Variants in MAP4K3 observed in about 807,000 individuals in gnomAD.
MAP4K3 encodes the protein MAPK/ERK kinase kinase kinase 3.
Under a neutral mutation model 143.5 loss-of-function variants are expected in MAP4K3, and 94 were observed. The observed-to-expected ratio is 0.65, with a 90% CI of 0.55 to 0.78. The LOEUF (loss-of-function observed/expected upper bound fraction) is 0.78, where lower values mean the gene tolerates loss of function less well. MAP4K3 is among the 30% of genes least tolerant of loss of function. MAP4K3 has a pLI of 0.00. For synonymous variants in MAP4K3, 416 were observed against 347.2 expected (o/e 1.20, Z -2.20); for missense variants, 1,077 against 1,068.1 (o/e 1.01, Z -0.12).
chr2:39,252,599 T>C (rs1429766446), intron 32 of MAP4K3, among the ~76,000 whole-genome samples: 1 of 152,146 alleles, frequency 6.6e-6, no homozygotes, highest in East Asian at 1.9e-4. Flanking sequence ...AGAATAAATA[T>C]ACAAGAAAAA....
intron 2 of MAP4K3, among the ~76,000 whole-genome samples, chr2:39,361,699 C>T (rs1429312892): frequency 6.6e-6 from 1 of 150,874 alleles, no homozygotes; most frequent in African/African-American, 2.4e-5. Flanking sequence ...ATTTAAACTA[C>T]ATTTTATTTA....
At chr2:39,329,829 C>T (rs2148519587) in intron 8 of MAP4K3, among the ~76,000 whole-genome samples, 1 of 152,286 alleles carries the variant, frequency 6.6e-6, no homozygotes, top group South Asian at 2.1e-4. Flanking sequence ...ACCAGGTTTA[C>T]ACCCGACTTC....
chr2:39,301,731 T>C (rs1682517400), intron 15 of MAP4K3, among the ~76,000 whole-genome samples: 1 of 151,844 alleles, frequency 6.6e-6, no homozygotes, highest in South Asian at 2.1e-4. Context: ...TGATTAAAAA[T>C]AAAGGAAATA....
At chr2:39,415,012 C>G (rs890690750) in intron 1 of MAP4K3, among the ~76,000 whole-genome samples, 1 of 152,094 alleles carries the variant, frequency 6.6e-6, no homozygotes, top group Admixed American at 6.5e-5. Context: ...TTATCACCAA[C>G]AATTTTTTAG....
rs920161818 is a variant in MAP4K3, at chr2:39,249,478, T to C, written c.*1140A>G. 6.6e-6 allele frequency: 1 copy of C among 152,574 alleles called. No homozygotes were observed. The highest frequency in any genetic ancestry group is 1.5e-5 in the Non-Finnish European group (1 of 68,004). 9.5% of individuals were successfully genotyped at this position (152,574 alleles called of 1,614,324 possible). Reference sequence around the variant, plus strand: ...TAAAACCTGGTATATACATATTCCATTGGAAAAAAGCAATCAAAAATGACT... The same window carrying C: ...TAAAACCTGGTATATACATATTCCACTGGAAAAAAGCAATCAAAAATGACT... On this transcript the variant is annotated 3_prime_UTR_variant, in exon 34 of 34. Transcript: ENST00000263881.
At chr2:39,339,450 C>T (rs998769760) in intron 4 of MAP4K3, among the ~76,000 whole-genome samples, 12 of 152,118 alleles carry the variant, frequency 7.9e-5, no homozygotes, top group African/African-American at 2.9e-4. Context: ...AGATACTTTC[C>T]CAGGAGACAA....
chr2:39,358,312 C>G (rs918040670), intron 2 of MAP4K3, among the ~76,000 whole-genome samples: 1 of 152,178 alleles, frequency 6.6e-6, no homozygotes, highest in Non-Finnish European at 1.5e-5. Context: ...TCTTCATCAT[C>G]TTTGTACCCC....
At chr2:39,385,223 T>C (rs916705491) in intron 1 of MAP4K3, among the ~76,000 whole-genome samples, 1 of 152,130 alleles carries the variant, frequency 6.6e-6, no homozygotes, top group Admixed American at 6.5e-5. Context: ...GGTCATATCA[T>C]ATGGTAGGTA....
At chr2:39,435,211 G>C (rs1665420647) in intron 1 of MAP4K3, among the ~76,000 whole-genome samples, 1 of 59,782 alleles carries the variant, frequency 1.7e-5, no homozygotes, top group African/African-American at 2.8e-5. Flanking sequence ...TATCACAGTG[G>C]CCTCCCAACT....
chr2:39,357,932 T>A (rs1186924809), intron 2 of MAP4K3, among the ~76,000 whole-genome samples: 1 of 152,172 alleles, frequency 6.6e-6, no homozygotes, highest in Non-Finnish European at 1.5e-5. Context: ...AGTCTGATGG[T>A]TGGAAGACAA....
At chr2:39,275,463 C>G (rs2148458920) in intron 24 of MAP4K3, among the ~76,000 whole-genome samples, 1 of 152,312 alleles carries the variant, frequency 6.6e-6, no homozygotes, top group Admixed American at 6.5e-5. Flanking sequence ...GCCTGGGTGA[C>G]AGAATGAAAC....
At chr2:39,298,414 G>C (rs900688169) in intron 16 of MAP4K3, among the ~76,000 whole-genome samples, 1 of 152,058 alleles carries the variant, frequency 6.6e-6, no homozygotes, top group East Asian at 1.9e-4. Flanking sequence ...GTATTTAACT[G>C]AAGTTCAGCT....
At chr2:39,376,679 T>C (rs1480994934) in intron 2 of MAP4K3, among the ~76,000 whole-genome samples, 1 of 152,206 alleles carries the variant, frequency 6.6e-6, no homozygotes, top group African/African-American at 2.4e-5. Context: ...GCAGAGCTAA[T>C]CACTCAGGAG....
chr2:39,321,654 T>C (rs1185414732), intron 12 of MAP4K3, among the ~76,000 whole-genome samples: 1 of 152,212 alleles, frequency 6.6e-6, no homozygotes, highest in Non-Finnish European at 1.5e-5. Flanking sequence ...GGAAGGCATC[T>C]GTCTCCTGCC....
At chr2:39,397,074 T>C (rs1395673398) in intron 1 of MAP4K3, among the ~76,000 whole-genome samples, 1 of 152,150 alleles carries the variant, frequency 6.6e-6, no homozygotes, top group Non-Finnish European at 1.5e-5. Flanking sequence ...TTTAAAAACT[T>C]GAAATTTCAA....
chr2:39,327,456 T>C (rs1019055690), intron 8 of MAP4K3, among the ~76,000 whole-genome samples: 1 of 152,310 alleles, frequency 6.6e-6, no homozygotes, highest in Non-Finnish European at 1.5e-5. Context: ...TTGACTGATT[T>C]AAACTATTAA....
chr2:39,432,730 C>T (rs1301886185), intron 1 of MAP4K3, among the ~76,000 whole-genome samples: 1 of 152,148 alleles, frequency 6.6e-6, no homozygotes, highest in African/African-American at 2.4e-5. Flanking sequence ...TAAACTAACA[C>T]GTAATTATCT....
chr2:39,360,234 A>G (rs1314835374), intron 2 of MAP4K3, among the ~76,000 whole-genome samples: 5 of 152,216 alleles, frequency 3.3e-5, no homozygotes, highest in African/African-American at 1.2e-4. Context: ...TCTCTTTGCT[A>G]AAGCCTAACA....
chr2:39,350,959 A>G (rs1314606123), intron 3 of MAP4K3, among the ~76,000 whole-genome samples: 1 of 152,226 alleles, frequency 6.6e-6, no homozygotes, highest in Non-Finnish European at 1.5e-5. Flanking sequence ...AGGGGAAAAA[A>G]TAAAAATAAT....
Sources: gnomAD v4.1 joint callset for allele counts (sites outside exome capture counted in the v4.1 genomes callset) on GRCh38, gnomAD v4.1.1 for gene constraint, MANE v1.5 for transcripts, NCBI Gene and HGNC (gene_info 2026-07-23, HGNC 2026-07-21) for gene names.